CDYL2: variants seen among roughly 807,000 people sequenced by gnomAD.
The protein encoded by CDYL2 is chromodomain Y like 2.
CDYL2 carries 23 observed loss-of-function variants against 49.4 expected under a neutral mutation model. That is an observed-to-expected ratio of 0.47 (90% CI 0.34 to 0.66). CDYL2 has a LOEUF of 0.66. Among genes scored for constraint, CDYL2 ranks in the 30% least tolerant of loss-of-function variants. CDYL2 has a pLI of 0.01. For synonymous variants in CDYL2, 360 were observed against 268.8 expected (o/e 1.34, Z -3.32); for missense variants, 678 against 656.4 (o/e 1.03, Z -0.36).
intron 1 of CDYL2, among the ~76,000 whole-genome samples, chr16:80,755,751 T>G (rs886796392): frequency 6.6e-6 from 1 of 152,182 alleles, no homozygotes; most frequent in Non-Finnish European, 1.5e-5. Flanking sequence ...TAACTTAAAT[T>G]ATGGATGTAA....
At chr16:80,729,286 G>A (rs1273397753) in intron 1 of CDYL2, among the ~76,000 whole-genome samples, 1 of 151,086 alleles carries the variant, frequency 6.6e-6, no homozygotes, top group African/African-American at 2.4e-5. Context: ...ACAAAAAAAG[G>A]CAGGGGTTGC....
intron 2 of CDYL2, among the ~76,000 whole-genome samples, chr16:80,673,666 T>G (rs1035575088): frequency 2.2e-4 from 34 of 152,190 alleles, no homozygotes; most frequent in African/African-American, 7.2e-4. Context: ...TTTCTTCCCC[T>G]CAAACTCTCC....
At chr16:80,655,909 C>T (rs1472482685) in intron 2 of CDYL2, among the ~76,000 whole-genome samples, 1 of 152,168 alleles carries the variant, frequency 6.6e-6, no homozygotes, top group Non-Finnish European at 1.5e-5. Context: ...CAGCAACAAG[C>T]TGGCAGGGAA....
At chr16:80,781,369 A>G (rs563667189) in intron 1 of CDYL2, among the ~76,000 whole-genome samples, 12 of 152,346 alleles carry the variant, frequency 7.9e-5, no homozygotes, top group African/African-American at 2.9e-4. Context: ...ATCTAACAAC[A>G]GAGCCCCCAA....
At chr16:80,666,074 G>T (rs944983860) in intron 2 of CDYL2, among the ~76,000 whole-genome samples, 1 of 152,098 alleles carries the variant, frequency 6.6e-6, no homozygotes, top group Non-Finnish European at 1.5e-5. Context: ...GACTCATGAG[G>T]CGCCAGGACC....
chr16:80,710,648 G>C (rs550721620), intron 1 of CDYL2, among the ~76,000 whole-genome samples: 9 of 152,202 alleles, frequency 5.9e-5, no homozygotes, highest in African/African-American at 2.2e-4. Flanking sequence ...AGGACACAGA[G>C]GACAATAATG....
At chr16:80,776,491 C>T (rs184146878) in intron 1 of CDYL2, among the ~76,000 whole-genome samples, 82 of 151,776 alleles carry the variant, frequency 5.4e-4, no homozygotes, top group African/African-American at 1.9e-3. Context: ...AACAAGAAAT[C>T]GAAATGATCC....
intron 1 of CDYL2, among the ~76,000 whole-genome samples, chr16:80,747,387 C>G (rs1048365298): frequency 6.6e-6 from 1 of 152,082 alleles, no homozygotes; most frequent in African/African-American, 2.4e-5. Context: ...AATAAAAATA[C>G]CTATACCTCA....
chr16:80,738,659 AG>A (rs945673756), intron 1 of CDYL2: 15 of 152,344 alleles, frequency 9.8e-5, no homozygotes, highest in African/African-American at 3.6e-4. Context: ...TTTCTTTTTC[AG>A]GTGATAAAAA....
intron 1 of CDYL2, among the ~76,000 whole-genome samples, chr16:80,709,381 C>CAAA (rs11412766): frequency 1.1e-5 from 1 of 93,970 alleles, no homozygotes; most frequent in Non-Finnish European, 2.6e-5. Flanking sequence ...GACTCCATTT[C>CAAA]AAAAAAAAAA....
intron 3 of CDYL2, among the ~76,000 whole-genome samples, chr16:80,624,553 C>T (rs965842969): frequency 3.3e-5 from 5 of 152,072 alleles, no homozygotes; most frequent in Non-Finnish European, 7.3e-5. Flanking sequence ...GGAAAAAAAA[C>T]CCTAGCAGGA....
intron 1 of CDYL2, among the ~76,000 whole-genome samples, chr16:80,780,823 C>A (rs1193079211): frequency 1.3e-5 from 2 of 152,082 alleles, no homozygotes; most frequent in African/African-American, 4.8e-5. Context: ...TAAGGATCTC[C>A]AAAAATTCTC....
chr16:80,689,890 G>A (rs1910343974), intron 1 of CDYL2, among the ~76,000 whole-genome samples: 1 of 152,154 alleles, frequency 6.6e-6, no homozygotes, highest in African/African-American at 2.4e-5. Context: ...GGAGGCTGAG[G>A]TGGCCGGATC....
intron 1 of CDYL2, among the ~76,000 whole-genome samples, chr16:80,762,905 T>C (rs999829790): frequency 1.3e-5 from 2 of 152,202 alleles, no homozygotes; most frequent in African/African-American, 4.8e-5. Context: ...AAGCATGAGC[T>C]ACAGTACTGC....
At chr16:80,680,144 C>G (rs182781941) in intron 2 of CDYL2, among the ~76,000 whole-genome samples, 8 of 152,074 alleles carry the variant, frequency 5.3e-5, no homozygotes, top group African/African-American at 9.7e-5. Context: ...AAAGCTGAGA[C>G]GATTTTAAAA....
intron 2 of CDYL2, among the ~76,000 whole-genome samples, chr16:80,673,005 G>A (rs367894374): frequency 6.6e-6 from 1 of 152,182 alleles, no homozygotes. Context: ...AGGAGGAGCT[G>A]CTTGCTCCCA....
intron 2 of CDYL2, among the ~76,000 whole-genome samples, chr16:80,644,746 A>C (rs1428047837): frequency 2.6e-5 from 4 of 152,196 alleles, no homozygotes; most frequent in Non-Finnish European, 4.4e-5. Flanking sequence ...CTATACTACA[A>C]GTCTATAGTA....
intron 4 of CDYL2, among the ~76,000 whole-genome samples, 174 bp from the exon 5 acceptor site, chr16:80,613,010 G>C (rs1223878912): frequency 6.6e-6 from 1 of 152,094 alleles, no homozygotes; most frequent in Admixed American, 6.5e-5. Context: ...GATTTTCTGA[G>C]GTATACTGAT....
intron 2 of CDYL2, among the ~76,000 whole-genome samples, chr16:80,670,405 C>A (rs914082525): frequency 6.6e-6 from 1 of 152,168 alleles, no homozygotes; most frequent in Admixed American, 6.5e-5. Context: ...GCTGCCACCA[C>A]ATGAAGGATG....
Sources: gnomAD v4.1 joint callset for allele counts (sites outside exome capture counted in the v4.1 genomes callset) on GRCh38, gnomAD v4.1.1 for gene constraint, MANE v1.5 for transcripts, NCBI Gene and HGNC (gene_info 2026-07-23, HGNC 2026-07-21) for gene names.